GSK3A: variants seen among roughly 807,000 people sequenced by gnomAD.
GSK3A encodes the protein glycogen synthase kinase 3 alpha.
Under a neutral mutation model 56.6 loss-of-function variants are expected in GSK3A, and 14 were observed. That is an observed-to-expected ratio of 0.25 (90% confidence interval 0.16 to 0.39). The LOEUF (loss-of-function observed/expected upper bound fraction) is 0.39, where lower values mean the gene tolerates loss of function less well. GSK3A is among the 10% of genes least tolerant of loss of function. The pLI, the probability that GSK3A is intolerant of heterozygous loss-of-function variation, is 1.00. For missense variants in GSK3A, 450 were observed against 656.0 expected (o/e 0.69, Z 3.43); for synonymous variants, 301 against 285.0 (o/e 1.06, Z -0.56).
chr19:42,242,566 C>T lies in GSK3A; in HGVS notation c.-101G>A. 1.1e-6 allele frequency: 1 copy of T among 931,864 alleles called. No homozygotes were observed. The highest frequency in any genetic ancestry group is 1.3e-6 in the Non-Finnish European group (1 of 753,020). 57.7% of individuals were successfully genotyped at this position (931,864 alleles called of 1,614,324 possible). A position where few individuals can be genotyped will look rare whatever the true frequency, so the allele number is the denominator to read the frequency against. ...CCCCGGGCCCTGGCCTCTTCCAGGC[C>T]GCGCCGCTCTGGCTTGGGCTCCGGC... On this transcript the variant is annotated 5_prime_UTR_variant, in exon 1 of 11. Coordinates refer to ENST00000222330, the MANE Select transcript of GSK3A (RefSeq NM_019884.3).
Position 42,239,937 on chromosome 19 carries a change from C to T in GSK3A, c.471+18G>A. 1.2e-6 allele frequency: 2 copies of T among 1,610,312 alleles called. No individual in the cohort carries two copies. Among genetic ancestry groups the T allele is most frequent in the Non-Finnish European group, 1.7e-6 (2 of 1,176,734 alleles). The stretch of plus-strand genomic sequence containing the variant: ...ACCCAGTCCCCAAACCTCCCTGTCC[C>T]CATCCCGCCCAAGCTACCTTGAACC... On this transcript the variant is annotated intron_variant, in intron 2 of 10. Coordinates refer to ENST00000222330, the MANE Select transcript of GSK3A (RefSeq NM_019884.3).
Position 42,240,093 on chromosome 19 carries a change from T to C in GSK3A, c.333A>G (p.Pro111=), listed in dbSNP as rs1244801063. The part of the protein sequence containing the change: ...TTVVATLGQG[P]ERSQEVAYTD... ...TGTAAGCCACTTCTTGGGAGCGCTC[T>C]GGGCCTTGGCCTAGAGTGGCTACGA... Residue 111 remains proline, a synonymous_variant, in exon 2 of 11, where the codon CCA becomes CCG. Coordinates refer to ENST00000222330, the MANE Select transcript of GSK3A (RefSeq NM_019884.3). 1 of 1,614,206 alleles carries C rather than the reference T, an allele frequency of 6.2e-7. No homozygotes were observed. Among genetic ancestry groups the C allele is most frequent in the South Asian group, 1.1e-5 (1 of 91,088 alleles).
At chr19:42,235,339 A>G (rs1273217951) in intron 4 of GSK3A, among the ~76,000 whole-genome samples, 1 of 152,108 alleles carries the variant, frequency 6.6e-6, no homozygotes, top group Non-Finnish European at 1.5e-5. Flanking sequence ...CCAGGCACTC[A>G]GCTTCCCCCT....
At chr19:42,230,894 G>T in intron 10 of GSK3A, 27 bp from the exon 11 acceptor site, 1 of 1,505,662 alleles carries the variant, frequency 6.6e-7, no homozygotes, top group Non-Finnish European at 9.1e-7. Context: ...AAGGAGCAGA[G>T]TTAGCCTTTG....
chr19:42,242,581 T>TGGGCTC lies in GSK3A; in HGVS notation c.-122_-117dup. ...TCTTCCAGGCCGCGCCGCTCTGGCT[T>TGGGCTC]GGGCTCCGGCTCCGGCCCAGCGCCC... On this transcript the variant is annotated 5_prime_UTR_variant, in exon 1 of 11. Coordinates refer to ENST00000222330, the MANE Select transcript of GSK3A (RefSeq NM_019884.3). 1.1e-6 allele frequency: 1 copy of TGGGCTC among 898,912 alleles called. No homozygotes were observed. The highest frequency in any genetic ancestry group is 1.4e-6 in the Non-Finnish European group (1 of 696,498). 55.7% of individuals were successfully genotyped at this position (898,912 alleles called of 1,614,324 possible).
In GSK3A at chr19:42,234,226, A is replaced by G; in HGVS notation, c.904+127T>C. On this transcript the variant is annotated intron_variant, in intron 6 of 10. Transcript: ENST00000222330. This position sits in a 1 kb window ranked among gnomAD's most constrained non-coding sequence, Gnocchi z 5.7. ...TAGCATTCAACAGCATCAGCCTCCT[A>G]AGTTTGTGAGGACTGGATACAAGAA... The G allele has an allele frequency of 1.4e-6, 1 of 725,260 alleles. No individual in the cohort carries two copies. The highest frequency in any genetic ancestry group is 2.5e-6 in the Non-Finnish European group (1 of 406,772). The allele number at this position is 725,260 out of a possible 1,614,324, so 44.9% of individuals were successfully genotyped here. A position where few individuals can be genotyped will look rare whatever the true frequency, so the allele number is the denominator to read the frequency against.
In GSK3A at chr19:42,234,494, C is replaced by T; in HGVS notation, c.798-35G>A. On this transcript the variant is annotated intron_variant, in intron 5 of 10. Transcript: ENST00000222330. This position sits in a 1 kb window ranked among gnomAD's most constrained non-coding sequence, Gnocchi z 5.7. ...GAGATGGGCAGGGGTACACGTGAGG[C>T]AAGGGTTGGGGTCCCCCCTGCCTCT... 1 of 1,613,622 alleles carries T rather than the reference C, an allele frequency of 6.2e-7. No individual in the cohort carries two copies. Among genetic ancestry groups the T allele is most frequent in the Non-Finnish European group, 8.5e-7 (1 of 1,179,524 alleles).
rs1382575097 is a variant in GSK3A, at chr19:42,232,677, G to C, written c.1104C>G (p.Phe368Leu). Residue 368 changes from phenylalanine (F) to leucine (L), a missense_variant, in exon 9 of 11, where the codon TTC (phenylalanine) becomes TTG (leucine). Phe to Leu is a conservative substitution (Grantham distance 22, BLOSUM62 0). Transcript: ENST00000222330. ...TGGCCTCTGGCGGCGTTCGAGATTT[G>C]AACACCTGAGGGATGGGTGCAGGGC... Reference protein sequence around the residue: ...QIKAHPWTKVFKSRTPPEAIA... With the variant: ...QIKAHPWTKVLKSRTPPEAIA... 1 of 1,575,048 alleles carries C rather than the reference G, an allele frequency of 6.3e-7. No individual in the cohort carries two copies. Among genetic ancestry groups the C allele is most frequent in the Non-Finnish European group, 8.6e-7 (1 of 1,157,428 alleles).
chr19:42,239,511 G>A (rs898759071), intron 2 of GSK3A, among the ~76,000 whole-genome samples: 11 of 152,202 alleles, frequency 7.2e-5, no homozygotes, highest in African/African-American at 2.4e-4. Flanking sequence ...AACCACCCGC[G>A]CTAGCCCTGC....
Position 42,230,868 on chromosome 19 carries a change from C to A in GSK3A, c.1379-1G>T. The A allele has an allele frequency of 6.4e-7, 1 of 1,557,182 alleles. No homozygotes were observed. On this transcript the variant is annotated splice_acceptor_variant, in intron 10 of 10. Coordinates refer to ENST00000222330, the MANE Select transcript of GSK3A (RefSeq NM_019884.3). LOFTEE classifies it high-confidence loss of function. Reference sequence around the variant, plus strand: ...GAGCTGGTCGGAGTCTCAGTTAAAGCTGGAGGGAGGCAGGGAAGGAGCAGA... The same window carrying A: ...GAGCTGGTCGGAGTCTCAGTTAAAGATGGAGGGAGGCAGGGAAGGAGCAGA...
At chr19:42,232,364 CT>C (rs1254897260) in intron 9 of GSK3A, 131 bp downstream of exon 9, 13 of 826,198 alleles carry the variant, frequency 1.6e-5, no homozygotes, top group Non-Finnish European at 2.6e-5. Flanking sequence ...TGGGAGTCAT[CT>C]TTCCTGAGCC....
Position 42,236,613 on chromosome 19 carries a change from T to A in GSK3A, c.659A>T (p.Tyr220Phe), listed in dbSNP as rs370744168. The A allele has an allele frequency of 8.7e-6, 14 of 1,600,126 alleles. No individual in the cohort carries two copies. Among genetic ancestry groups the A allele is most frequent in the African/African-American group, 2.7e-5 (2 of 74,590 alleles). Residue 220 changes from tyrosine to phenylalanine, a missense_variant, in exon 4 of 11, where the codon TAT (tyrosine) becomes TTT (phenylalanine). This residue lies in a region of GSK3A where 144 missense variants were observed against 308.0 expected (regional missense o/e 0.47). Coordinates refer to ENST00000222330, the MANE Select transcript of GSK3A (RefSeq NM_019884.3). Reference sequence around the variant, plus strand: ...GCCCACCTGCTGGCCTACCTTGACATAGAGGATAGGGATGGTCAACTTGGC... The same window carrying A: ...GCCCACCTGCTGGCCTACCTTGACAAAGAGGATAGGGATGGTCAACTTGGC... Reference protein sequence around the residue: ...TKAKLTIPILYVKVYMYQLFR... With the variant: ...TKAKLTIPILFVKVYMYQLFR...
In GSK3A at chr19:42,233,310, C is replaced by G; in HGVS notation, c.978G>C (p.Val326=). 6.3e-7 allele frequency: 1 copy of G among 1,589,234 alleles called. No homozygotes were observed. The highest frequency in any genetic ancestry group is 8.6e-7 in the Non-Finnish European group (1 of 1,166,340). ...GQPIFPGDSG[V]DQLVEIIKVL... ...CCTTGATGATCTCCACCAGCTGGTCCACCCCACTGTCCCCAGGGAAGATGG... is the reference window on the plus strand; with the variant it reads ...CCTTGATGATCTCCACCAGCTGGTCGACCCCACTGTCCCCAGGGAAGATGG... Residue 326 remains valine (V), a synonymous_variant, in exon 7 of 11, where the codon GTG becomes GTC. Transcript: ENST00000222330.
At position 42,230,804 on chromosome 19, in the gene GSK3A, T is replaced by C. The variant is rs773213319; in HGVS notation, c.1442A>G (p.Asn481Ser). 3 of 1,557,880 alleles carry C rather than the reference T, an allele frequency of 1.9e-6. No individual in the cohort carries two copies. The African/African-American group carries it at 4.1e-5, about 21-fold the overall frequency. ...QSTDATPTLT[N>S]SS ...TGCTTGGTGGGGCCCTCAGGAGGAG[T>C]TAGTGAGGGTAGGTGTGGCATCGGT... The change falls in exon 11 of 11, where the codon AAC becomes AGC. Residue 481 changes from asparagine to serine, a missense_variant. Asn to Ser is a conservative substitution (Grantham distance 46). Coordinates refer to ENST00000222330, the MANE Select transcript of GSK3A (RefSeq NM_019884.3).
intron 8 of GSK3A, 58 bp from the exon 9 acceptor site, chr19:42,232,740 T>C: frequency 1.5e-6 from 2 of 1,374,234 alleles, no homozygotes; most frequent in Non-Finnish European, 2.0e-6. Flanking sequence ...GGCATACTCC[T>C]GTTATCTCAC....
intron 2 of GSK3A, among the ~76,000 whole-genome samples, chr19:42,239,650 T>A (rs1398223923): frequency 2.0e-5 from 3 of 152,180 alleles, no homozygotes; most frequent in African/African-American, 7.2e-5. Context: ...TGAGTTTGTT[T>A]CCCTGCTTTT....
At chr19:42,241,833 C>A in intron 1 of GSK3A, 1 of 204,908 alleles carries the variant, frequency 4.9e-6, no homozygotes. Flanking sequence ...GACAATAACC[C>A]TAGATCCCCA....
chr19:42,232,094 G>A lies in GSK3A; in HGVS notation c.1341C>T (p.Ser447=). The change falls in exon 10 of 11, where the codon TCC becomes TCT. Residue 447 remains serine, a synonymous_variant. Transcript: ENST00000222330. ...NAILIPPHLR[S]PAGTTTLTPS... ...GGGTGAGGGTGGTAGTGCCCGCTGG[G>A]GACCTCAAGTGAGGAGGGATGAGAA... is the stretch of plus-strand genomic sequence containing the variant. 3 of 1,609,870 alleles carry A rather than the reference G, an allele frequency of 1.9e-6. No homozygotes were observed. The highest frequency in any genetic ancestry group is 2.5e-6 in the Non-Finnish European group (3 of 1,177,230).
rs2036282681 is a variant in GSK3A at position 42,240,162 on chromosome 19, C to T, written c.284-20G>A. ...TGTCACCTGGGGAACAAAGGGGATA[C>T]ACGATCCACTGACCCATCCTGCCTG... On this transcript the variant is annotated intron_variant, in intron 1 of 10. Coordinates refer to ENST00000222330, the MANE Select transcript of GSK3A (RefSeq NM_019884.3). 6.2e-7 allele frequency: 1 copy of T among 1,610,542 alleles called. No individual in the cohort carries two copies. Among genetic ancestry groups the T allele is most frequent in the Non-Finnish European group, 8.5e-7 (1 of 1,176,874 alleles).
Sources: allele counts gnomAD v4.1 joint callset (sites outside exome capture counted in the v4.1 genomes callset), GRCh38; gene constraint gnomAD v4.1.1; regional missense constraint gnomAD v4.1.1; non-coding constraint Gnocchi (gnomAD v3.1); transcripts MANE v1.5; gene names NCBI Gene and HGNC (gene_info 2026-07-23, HGNC 2026-07-21).